The following CNGB1 variants were observed in gnomAD, a reference collection of about 807,000 sequenced individuals.
CNGB1 encodes cyclic nucleotide gated channel subunit beta 1.
A neutral mutation model predicts 151.7 loss-of-function variants in CNGB1; 126 were observed. The observed-to-expected ratio is 0.83, with a 90% CI of 0.72 to 0.96. CNGB1 has a LOEUF of 0.96. CNGB1 is among the 40% of genes least tolerant of loss of function. The pLI, the probability that CNGB1 is intolerant of heterozygous loss-of-function variation, is 0.00. For synonymous variants in CNGB1, 623 were observed against 635.1 expected, an observed-to-expected ratio of 0.98 and a Z score of 0.29; for missense variants, 1,698 against 1,627.0, an observed-to-expected ratio of 1.04 and a Z score of -0.75.
chr16:57,906,137 G>A (rs1008876982), intron 25 of CNGB1, among the ~76,000 whole-genome samples: 2 of 152,144 alleles, frequency 1.3e-5, no homozygotes, highest in East Asian at 3.9e-4. Flanking sequence ...ATGGGCTCTG[G>A]ACCAGGCTGG....
intron 1 of CNGB1, among the ~76,000 whole-genome samples, chr16:57,968,944 C>T (rs1962467066): frequency 6.8e-6 from 1 of 147,750 alleles, no homozygotes; most frequent in Admixed American, 6.8e-5. Flanking sequence ...GGCAAGGGGT[C>T]GAGGCTTCAG....
intron 17 of CNGB1, among the ~76,000 whole-genome samples, chr16:57,926,294 A>C (rs1961186795): frequency 6.6e-6 from 1 of 152,166 alleles, no homozygotes; most frequent in Non-Finnish European, 1.5e-5. Flanking sequence ...CCAATCAGAG[A>C]GCTGGGCAGG....
At chr16:57,919,075 G>C in intron 20 of CNGB1, 24 bp downstream of exon 20, 3 of 1,614,104 alleles carry the variant, frequency 1.9e-6, no homozygotes, top group Non-Finnish European at 8.5e-7. Context: ...TACACAGTGG[G>C]AACACCCATT....
intron 23 of CNGB1, among the ~76,000 whole-genome samples, chr16:57,914,699 G>A (rs1022770616): frequency 1.3e-5 from 2 of 152,188 alleles, no homozygotes; most frequent in Non-Finnish European, 2.9e-5. Context: ...TCTGCCCAGT[G>A]AGTGCCAGAA....
chr16:57,962,914 G>A (rs1390802727), intron 5 of CNGB1, 42 bp from the exon 6 acceptor site: 1 of 1,612,168 alleles, frequency 6.2e-7, no homozygotes, highest in Non-Finnish European at 8.5e-7. Flanking sequence ...GGAGCCCAAG[G>A]GCAGCCTCCC....
chr16:57,948,494 C>T (rs1478545072), intron 14 of CNGB1, among the ~76,000 whole-genome samples: 1 of 152,052 alleles, frequency 6.6e-6, no homozygotes, highest in Non-Finnish European at 1.5e-5. Flanking sequence ...GGGCCCCATA[C>T]TCTTCTTGTC....
In CNGB1 at chr16:57,950,319, C is replaced by T. The variant is rs747951557; in HGVS notation, c.1034+62G>A. ...GCCTTTTCATCTTTGAGATAAGGTA[C>T]TGCATGCTTGGCACTTTCTCAAACA... On this transcript the variant is annotated intron_variant, in intron 13 of 32. Transcript: ENST00000251102. The T allele has an allele frequency of 4.4e-6, 7 of 1,589,000 alleles. No homozygotes were observed. The Admixed American group carries it at 5.0e-5, about 11-fold the overall frequency.
chr16:57,894,693 G>A lies in CNGB1; in HGVS notation c.3242+2704C>T, dbSNP rs1044102336. ...GGCAGAAATTGATGCAACGAGCCAC[G>A]TAATAATGGGAGTTGCAGTCAGGGG... On this transcript the variant is annotated intron_variant, in intron 31 of 32. Coordinates refer to ENST00000251102, the MANE Select transcript of CNGB1 (RefSeq NM_001297.5). 3.3e-5 allele frequency among the ~76,000 whole-genome samples: 5 copies of A among 152,206 alleles called. No homozygotes were observed. The East Asian group carries it at 5.8e-4, about 18-fold the overall frequency.
chr16:57,896,286 G>T (rs968417835), intron 31 of CNGB1, among the ~76,000 whole-genome samples: 1 of 152,174 alleles, frequency 6.6e-6, no homozygotes, highest in African/African-American at 2.4e-5. Flanking sequence ...GGAGTAAATG[G>T]CATCGTGCGC....
intron 29 of CNGB1, among the ~76,000 whole-genome samples, chr16:57,898,847 T>C (rs1270290564): frequency 6.6e-6 from 1 of 152,242 alleles, no homozygotes. Flanking sequence ...GGTTGAATTA[T>C]GTACTCCCTC....
intron 16 of CNGB1, among the ~76,000 whole-genome samples, chr16:57,937,590 C>T (rs1303993172): frequency 2.6e-5 from 4 of 152,206 alleles, no homozygotes; most frequent in African/African-American, 9.7e-5. Flanking sequence ...GCTCCCTCCA[C>T]TTACCAACCA....
At chr16:57,896,321 C>T (rs1257483479) in intron 31 of CNGB1, among the ~76,000 whole-genome samples, 8 of 152,148 alleles carry the variant, frequency 5.3e-5, no homozygotes, top group East Asian at 1.9e-4. Flanking sequence ...GCTGCAGAAG[C>T]GACTCACTTC....
At chr16:57,912,152 G>T (rs1221973992) in intron 24 of CNGB1, among the ~76,000 whole-genome samples, 2 of 152,090 alleles carry the variant, frequency 1.3e-5, no homozygotes, top group South Asian at 4.1e-4. Context: ...ACTGATGTGT[G>T]CAGAGGAGTT....
At position 57,964,486 on chromosome 16, in the gene CNGB1, C is replaced by T. The variant is rs750060375; in HGVS notation, c.217+1G>A. 2 of 1,614,062 alleles carry T rather than the reference C, an allele frequency of 1.2e-6. No homozygotes were observed. The highest frequency in any genetic ancestry group is 1.7e-5 in the Admixed American group (1 of 60,030). On this transcript the variant is annotated splice_donor_variant, in intron 3 of 32. Transcript: ENST00000251102. LOFTEE classifies it high-confidence loss of function. Reference sequence around the variant, plus strand: ...GCCTGGGCTTCAGCACTCGCACTCACCCTGAGGGCTTGGGTCTGCCACAGC... The same window carrying T: ...GCCTGGGCTTCAGCACTCGCACTCATCCTGAGGGCTTGGGTCTGCCACAGC...
chr16:57,902,690 G>A (rs1960424317), intron 27 of CNGB1, among the ~76,000 whole-genome samples: 1 of 152,052 alleles, frequency 6.6e-6, no homozygotes, highest in South Asian at 2.1e-4. Flanking sequence ...ACTCACTGCA[G>A]CCTCAACTTC....
rs1962331655 is a variant in CNGB1, at chr16:57,964,190, G to A, written c.230C>T (p.Ala77Val). The change falls in exon 4 of 33, where the codon GCT becomes GTT. Residue 77 changes from alanine to valine, a missense_variant. Ala to Val is a moderately conservative substitution (Grantham distance 64). Transcript: ENST00000251102. ...ADPSPQETKEAALTSTISLRA... is the reference protein window; with the variant it reads ...ADPSPQETKEVALTSTISLRA... ...GAGGGATATGGTGGAAGTAAGGGCA[G>A]CCTCCTTGGTCTCTGGAAAAGAATC... 3.1e-6 allele frequency: 5 copies of A among 1,614,166 alleles called. No homozygotes were observed. The highest frequency in any genetic ancestry group is 4.2e-6 in the Non-Finnish European group (5 of 1,180,006).
intron 17 of CNGB1, among the ~76,000 whole-genome samples, chr16:57,923,622 G>C (rs1175310300): frequency 6.6e-6 from 1 of 152,174 alleles, no homozygotes; most frequent in East Asian, 1.9e-4. Flanking sequence ...AAAGGTAACA[G>C]CATTGGTATT....
chr16:57,924,527 T>C (rs181339841), intron 17 of CNGB1, among the ~76,000 whole-genome samples: 1 of 152,266 alleles, frequency 6.6e-6, no homozygotes, highest in East Asian at 1.9e-4. Context: ...GAAGGCTGAG[T>C]GTTAGCACAT....
chr16:57,901,462 C>CCT, intron 28 of CNGB1, 27 bp from the exon 29 acceptor site: 1 of 1,614,100 alleles, frequency 6.2e-7, no homozygotes, highest in South Asian at 1.1e-5. Flanking sequence ...GGGAAAGGAA[C>CCT]TTTTTAGAGA....
Sources: gnomAD v4.1 joint callset for allele counts (sites outside exome capture counted in the v4.1 genomes callset) on GRCh38, gnomAD v4.1.1 for gene constraint, MANE v1.5 for transcripts, NCBI Gene and HGNC (gene_info 2026-07-23, HGNC 2026-07-21) for gene names.